CALN1: variants seen among roughly 807,000 people sequenced by gnomAD.
The protein encoded by CALN1 is calcium-binding protein 8.
Under a neutral mutation model 30.6 loss-of-function variants are expected in CALN1, and 17 were observed. That is an observed-to-expected ratio of 0.56 (90% CI 0.38 to 0.83). The LOEUF is 0.83. Ranked by LOEUF, CALN1 falls within the 40% of genes least tolerant of loss-of-function variation. The pLI is 0.00. For synonymous variants in CALN1, 156 were observed against 131.4 expected, an observed-to-expected ratio of 1.19 and a Z score of -1.28; for missense variants, 291 against 354.9, an observed-to-expected ratio of 0.82 and a Z score of 1.45.
chr7:72,237,905 CTCTT>C (rs1256249431), intron 3 of CALN1, among the ~76,000 whole-genome samples: 2 of 152,212 alleles, frequency 1.3e-5, no homozygotes, highest in Admixed American at 6.5e-5. Flanking sequence ...AACATCATGG[CTCTT>C]TCTGCCTGGC....
chr7:71,838,292 AGTCTAGTGTT>A (rs974302454), intron 5 of CALN1, among the ~76,000 whole-genome samples: 4 of 152,200 alleles, frequency 2.6e-5, no homozygotes, highest in Non-Finnish European at 5.9e-5. Context: ...TCATTTTTTA[AGTCTAGTGTT>A]TGCCAGTAAT....
intron 3 of CALN1, among the ~76,000 whole-genome samples, chr7:72,191,082 G>A (rs1790563772): frequency 6.6e-6 from 1 of 152,230 alleles, no homozygotes; most frequent in African/African-American, 2.4e-5. Context: ...TTTTGTGCAA[G>A]TCATGGTCTA....
intron 4 of CALN1, among the ~76,000 whole-genome samples, chr7:72,058,647 A>AAG (rs1317724358): frequency 6.6e-6 from 1 of 152,156 alleles, no homozygotes. Context: ...GAGAACACCC[A>AAG]AGAGTGTCTG....
chr7:72,364,186 AT>A (rs1158283445), intron 2 of CALN1, among the ~76,000 whole-genome samples: 1 of 152,234 alleles, frequency 6.6e-6, no homozygotes, highest in Non-Finnish European at 1.5e-5. Context: ...AGATAAGAAA[AT>A]ACTTTTGTAA....
At chr7:71,978,111 A>G (rs1798190902) in intron 5 of CALN1, among the ~76,000 whole-genome samples, 2 of 151,698 alleles carry the variant, frequency 1.3e-5, no homozygotes, top group Non-Finnish European at 2.9e-5. Context: ...CTTCCCCACC[A>G]TAAGAGTCTT....
At chr7:72,373,754 C>T (rs1804384991) in intron 2 of CALN1, among the ~76,000 whole-genome samples, 1 of 152,180 alleles carries the variant, frequency 6.6e-6, no homozygotes, top group African/African-American at 2.4e-5. Flanking sequence ...GTATGTAAAT[C>T]TATGGATTCA....
intron 5 of CALN1, among the ~76,000 whole-genome samples, chr7:71,948,513 T>C (rs980138079): frequency 6.6e-6 from 1 of 152,012 alleles, no homozygotes; most frequent in Non-Finnish European, 1.5e-5. Flanking sequence ...GCGGATCACC[T>C]GAGGTCAGGA....
chr7:72,323,880 C>CA (rs1162941105), intron 2 of CALN1, among the ~76,000 whole-genome samples: 3 of 151,774 alleles, frequency 2.0e-5, no homozygotes, highest in Middle Eastern at 3.4e-3. Context: ...CCCATCTGTA[C>CA]AAAAAACACA....
intron 4 of CALN1, among the ~76,000 whole-genome samples, chr7:72,040,187 T>C (rs995566085): frequency 2.6e-5 from 4 of 152,108 alleles, no homozygotes; most frequent in Non-Finnish European, 5.9e-5. Flanking sequence ...TAAAAAGTGT[T>C]ATGAGGCTGG....
upstream of CALN1, among the ~76,000 whole-genome samples, chr7:72,415,323 C>T (rs565521902): frequency 2.0e-5 from 3 of 152,338 alleles, no homozygotes; most frequent in South Asian, 2.1e-4. Flanking sequence ...TCTTATAAAA[C>T]GGGGCATGCC....
At chr7:72,359,092 G>A (rs1220733715) in intron 2 of CALN1, among the ~76,000 whole-genome samples, 5 of 151,862 alleles carry the variant, frequency 3.3e-5, no homozygotes, top group Non-Finnish European at 5.9e-5. Context: ...CAGGCCCTCC[G>A]CTGTGCTTCG....
chr7:72,202,643 C>G (rs1170281579), intron 3 of CALN1, among the ~76,000 whole-genome samples: 1 of 152,110 alleles, frequency 6.6e-6, no homozygotes, highest in Non-Finnish European at 1.5e-5. Flanking sequence ...GTTAGAAACC[C>G]AAGGAGTAAA....
chr7:72,013,724 A>G (rs953365008), intron 5 of CALN1, among the ~76,000 whole-genome samples: 1 of 152,150 alleles, frequency 6.6e-6, no homozygotes, highest in African/African-American at 2.4e-5. Context: ...GATTAATATA[A>G]TGGGCATAAT....
chr7:72,396,898 T>A lies in CALN1; in HGVS notation c.119+6353A>T, dbSNP rs145700126. ...CCCATATCCTTGTAGAATCTTTTAG[T>A]AGTAGTAGTAAAAGTAGTAGTAGAA... On this transcript the variant is annotated intron_variant, in intron 2 of 6. Coordinates refer to ENST00000395275, the MANE Select transcript of CALN1 (RefSeq NM_031468.4). 1.4e-3 allele frequency among the ~76,000 whole-genome samples: 220 copies of A among 152,154 alleles called. 1 individual carries two copies. Among genetic ancestry groups the A allele is most frequent in the African/African-American group, 5.2e-3 (216 of 41,520 alleles).
chr7:72,249,891 C>G (rs961443942), intron 3 of CALN1, among the ~76,000 whole-genome samples: 4 of 147,946 alleles, frequency 2.7e-5, no homozygotes, highest in African/African-American at 1.0e-4. Context: ...GAGCCAAGAT[C>G]ACACCACTGC....
At chr7:72,421,003 A>T (rs934948391) in intron 1 of CALN1, among the ~76,000 whole-genome samples, 1 of 152,050 alleles carries the variant, frequency 6.6e-6, no homozygotes, top group Admixed American at 6.5e-5. Flanking sequence ...CCCAATTTCC[A>T]GGGAGTTCTG....
intron 2 of CALN1, among the ~76,000 whole-genome samples, chr7:72,395,429 G>A (rs1414965842): frequency 6.6e-6 from 1 of 152,076 alleles, no homozygotes; most frequent in East Asian, 1.9e-4. Flanking sequence ...GATAAATGAA[G>A]ATAAACCATT....
At chr7:71,983,775 A>G (rs1048348059) in intron 5 of CALN1, among the ~76,000 whole-genome samples, 1 of 152,054 alleles carries the variant, frequency 6.6e-6, no homozygotes, top group Non-Finnish European at 1.5e-5. Context: ...CAGGTGATCC[A>G]CCCACCTCGG....
chr7:72,249,654 T>C (rs1289926824), intron 3 of CALN1, among the ~76,000 whole-genome samples: 1 of 152,016 alleles, frequency 6.6e-6, no homozygotes, highest in African/African-American at 2.4e-5. Context: ...ATACAAAAAT[T>C]AGCTGGGTGT....
Sources: allele counts gnomAD v4.1 joint callset (sites outside exome capture counted in the v4.1 genomes callset), GRCh38; gene constraint gnomAD v4.1.1; transcripts MANE v1.5; gene names NCBI Gene and HGNC (gene_info 2026-07-23, HGNC 2026-07-21).